SLC35D4: variants seen among roughly 807,000 people sequenced by gnomAD.
SLC35D4 encodes the protein UDP-N-acetylglucosamine transporter SLC35D4.
chr18:23,274,963 G>A, the SLC35D4 span, among the ~76,000 whole-genome samples: 1 of 151,950 alleles, frequency 6.6e-6, no homozygotes, highest in South Asian at 2.1e-4. Context: ...ATGTGTGCTT[G>A]TGTGTGCGCT....
chr18:23,381,573 TAACAACAACAAC>T, the SLC35D4 span, among the ~76,000 whole-genome samples: 2 of 152,202 alleles, frequency 1.3e-5, no homozygotes, highest in Admixed American at 6.5e-5. Context: ...TTTGTTTTAA[TAACAACAACAAC>T]AACAACAACA....
At chr18:23,379,184 C>T in the SLC35D4 span, among the ~76,000 whole-genome samples, 6 of 149,426 alleles carry the variant, frequency 4.0e-5, no homozygotes, top group Non-Finnish European at 7.4e-5. Flanking sequence ...AGTGCGGTGG[C>T]GTGATCTTGG....
At chr18:23,343,718 C>T in the SLC35D4 span, among the ~76,000 whole-genome samples, 3 of 152,124 alleles carry the variant, frequency 2.0e-5, no homozygotes, top group Non-Finnish European at 4.4e-5. Flanking sequence ...GTCCTCCCAT[C>T]CCTCACCCTC....
At chr18:23,357,097 C>T in the SLC35D4 span, among the ~76,000 whole-genome samples, 1 of 152,216 alleles carries the variant, frequency 6.6e-6, no homozygotes, top group Non-Finnish European at 1.5e-5. Flanking sequence ...GCAGCCAACC[C>T]TGCACAAGGG....
chr18:23,432,343 T>C, the SLC35D4 span, among the ~76,000 whole-genome samples: 1 of 152,082 alleles, frequency 6.6e-6, no homozygotes, highest in African/African-American at 2.4e-5. Context: ...TCAGACAAAA[T>C]GCTATTCTAT....
chr18:23,353,995 G>A, the SLC35D4 span, among the ~76,000 whole-genome samples: 1 of 152,180 alleles, frequency 6.6e-6, no homozygotes, highest in Non-Finnish European at 1.5e-5. Context: ...TTAGAATCCA[G>A]GTCTCCATGG....
chr18:23,286,826 T>C, the SLC35D4 span, among the ~76,000 whole-genome samples: 1 of 152,104 alleles, frequency 6.6e-6, no homozygotes, highest in African/African-American at 2.4e-5. Flanking sequence ...GCCGAGACAC[T>C]TTAACTAAAT....
the SLC35D4 span, chr18:23,421,535 A>AG: frequency 8.9e-7 from 1 of 1,125,348 alleles, no homozygotes. Context: ...TGACACAAAG[A>AG]GACAAGTTCA....
At chr18:23,279,104 A>G in the SLC35D4 span, among the ~76,000 whole-genome samples, 1 of 152,138 alleles carries the variant, frequency 6.6e-6, no homozygotes, top group African/African-American at 2.4e-5. Flanking sequence ...GTCTTCACAG[A>G]GATTCAGGCT....
At chr18:23,414,951 A>G in the SLC35D4 span, among the ~76,000 whole-genome samples, 3 of 152,100 alleles carry the variant, frequency 2.0e-5, no homozygotes, top group African/African-American at 7.2e-5. Context: ...TGTCTCTACA[A>G]AAGTTTTAAA....
At chr18:23,418,192 C>A in the SLC35D4 span, among the ~76,000 whole-genome samples, 1 of 151,990 alleles carries the variant, frequency 6.6e-6, no homozygotes, top group Non-Finnish European at 1.5e-5. Context: ...TTTGGATTAG[C>A]TAAGCATACA....
the SLC35D4 span, among the ~76,000 whole-genome samples, chr18:23,404,411 A>C: frequency 6.6e-6 from 1 of 152,194 alleles, no homozygotes; most frequent in Non-Finnish European, 1.5e-5. Context: ...GCGGTGGCTC[A>C]CACCTGTAAT....
the SLC35D4 span, among the ~76,000 whole-genome samples, chr18:23,392,360 T>C: frequency 6.6e-6 from 1 of 152,218 alleles, no homozygotes; most frequent in African/African-American, 2.4e-5. Flanking sequence ...AATATGCATA[T>C]GTGCACATTT....
At chr18:23,280,303 G>A in the SLC35D4 span, among the ~76,000 whole-genome samples, 1 of 152,242 alleles carries the variant, frequency 6.6e-6, no homozygotes, top group African/African-American at 2.4e-5. Context: ...CCTGCCCTGG[G>A]GCGAGGTTAT....
chr18:23,363,319 G>A, the SLC35D4 span, among the ~76,000 whole-genome samples: 5 of 148,730 alleles, frequency 3.4e-5, no homozygotes, highest in Non-Finnish European at 5.9e-5. Flanking sequence ...GTAAACCACG[G>A]AGAATCTGTG....
the SLC35D4 span, among the ~76,000 whole-genome samples, chr18:23,287,606 C>A: frequency 1.9e-4 from 29 of 152,314 alleles, no homozygotes; most frequent in Admixed American, 1.8e-3. Context: ...ATACTTTCGC[C>A]TTTGGATACC....
chr18:23,398,783 A>G, the SLC35D4 span, among the ~76,000 whole-genome samples: 1 of 152,214 alleles, frequency 6.6e-6, no homozygotes, highest in Non-Finnish European at 1.5e-5. Flanking sequence ...CATAACAACA[A>G]GAATTTTACA....
the SLC35D4 span, among the ~76,000 whole-genome samples, chr18:23,429,199 A>G: frequency 6.6e-6 from 1 of 152,202 alleles, no homozygotes; most frequent in Non-Finnish European, 1.5e-5. Flanking sequence ...ATTTTCCTCG[A>G]GTATATACCC....
chr18:23,307,120 A>G, the SLC35D4 span, among the ~76,000 whole-genome samples: 3,784 of 152,340 alleles, frequency 0.025, 51 homozygotes, highest in Middle Eastern at 0.054. Flanking sequence ...CAAATGCAGC[A>G]CTGTTCTCAC....
Sources: gnomAD v4.1 joint callset for allele counts (sites outside exome capture counted in the v4.1 genomes callset) on GRCh38, gnomAD v4.1.1 for gene constraint, MANE v1.5 for transcripts, NCBI Gene and HGNC (gene_info 2026-07-23, HGNC 2026-07-21) for gene names.